LPP: variants seen among roughly 807,000 people sequenced by gnomAD.
LPP encodes the protein LIM domain containing preferred translocation partner in lipoma.
Under a neutral mutation model 60.4 loss-of-function variants are expected in LPP, and 38 were observed. That is an observed-to-expected ratio of 0.63 (90% confidence interval 0.49 to 0.83). LPP has a LOEUF of 0.83. Among genes scored for constraint, LPP ranks in the 40% least tolerant of loss-of-function variants. LPP has a pLI of 0.00. For synonymous variants in LPP, 328 were observed against 290.8 expected (o/e 1.13, Z -1.30); for missense variants, 902 against 783.6 (o/e 1.15, Z -1.80).
At chr3:188,649,344 G>A (rs1369035576) in intron 7 of LPP, among the ~76,000 whole-genome samples, 1 of 152,180 alleles carries the variant, frequency 6.6e-6, no homozygotes, top group Non-Finnish European at 1.5e-5. Flanking sequence ...GGACAAAGGG[G>A]TTAGGATGAT....
chr3:188,205,111 G>C (rs928778258), intron 1 of LPP, among the ~76,000 whole-genome samples: 1 of 151,898 alleles, frequency 6.6e-6, no homozygotes, highest in Non-Finnish European at 1.5e-5. Context: ...TTGTAATATT[G>C]TACAATTCTG....
chr3:188,339,492 T>A (rs1762491619), intron 2 of LPP, among the ~76,000 whole-genome samples: 1 of 152,186 alleles, frequency 6.6e-6, no homozygotes, highest in African/African-American at 2.4e-5. Flanking sequence ...GACTCACAGT[T>A]CCACATTGCT....
intron 2 of LPP, among the ~76,000 whole-genome samples, chr3:188,333,102 CA>C (rs1003233066): frequency 3.9e-5 from 6 of 152,274 alleles, no homozygotes; most frequent in Admixed American, 3.9e-4. Context: ...AAAATAATCT[CA>C]TGATAGTAGA....
rs2152096995 is a variant in LPP, at chr3:188,885,993, C to T, written c.*11514C>T. 6.6e-6 allele frequency: 1 copy of T among 152,184 alleles called. No homozygotes were observed. The highest frequency in any genetic ancestry group is 1.5e-5 in the Non-Finnish European group (1 of 68,016). 9.4% of individuals were successfully genotyped at this position (152,184 alleles called of 1,614,324 possible). A position where few individuals can be genotyped will look rare whatever the true frequency, so the allele number is the denominator to read the frequency against. On this transcript the variant is annotated 3_prime_UTR_variant, in exon 12 of 12. Transcript: ENST00000617246. Reference sequence around the variant, plus strand: ...GCCATAAAAAATGATGAGTTCATGTCCTTTGTAGGGACATGGATGAAATTG... The same window carrying T: ...GCCATAAAAAATGATGAGTTCATGTTCTTTGTAGGGACATGGATGAAATTG...
chr3:188,449,319 T>A (rs913222788), intron 4 of LPP, among the ~76,000 whole-genome samples: 2 of 152,024 alleles, frequency 1.3e-5, no homozygotes, highest in African/African-American at 2.4e-5. Context: ...TTCCTCATCC[T>A]TTCTCCTTCT....
At chr3:188,221,986 C>T (rs545045843) in intron 1 of LPP, among the ~76,000 whole-genome samples, 1 of 152,206 alleles carries the variant, frequency 6.6e-6, no homozygotes, top group South Asian at 2.1e-4. Context: ...ACTTACTAGC[C>T]TAGAGATATT....
intron 7 of LPP, among the ~76,000 whole-genome samples, chr3:188,672,434 T>G (rs1857132471): frequency 6.6e-6 from 1 of 152,208 alleles, no homozygotes; most frequent in Non-Finnish European, 1.5e-5. Flanking sequence ...CAACTTTTTC[T>G]TATTAATTTG....
intron 9 of LPP, among the ~76,000 whole-genome samples, chr3:188,783,825 T>A (rs1740632572): frequency 6.6e-6 from 1 of 152,196 alleles, no homozygotes; most frequent in Non-Finnish European, 1.5e-5. Flanking sequence ...GACTTCCATG[T>A]TGCCAAAACC....
In LPP at chr3:188,813,748, G is replaced by A. The variant is rs765093098; in HGVS notation, c.1411-52452G>A. 8.9e-4 allele frequency among the ~76,000 whole-genome samples: 135 copies of A among 152,210 alleles called. 2 individuals carry two copies. Among genetic ancestry groups the A allele is most frequent in the Non-Finnish European group, 9.0e-4 (61 of 68,006 alleles). Reference sequence around the variant, plus strand: ...GCAAATCTAGCATACTTAAAAGGAAGTTTTTATTCTGGAGAAGTTTTGTTA... The same window carrying A: ...GCAAATCTAGCATACTTAAAAGGAAATTTTTATTCTGGAGAAGTTTTGTTA... On this transcript the variant is annotated intron_variant, in intron 9 of 11. Coordinates refer to ENST00000617246, the MANE Select transcript of LPP (RefSeq NM_001375462.1).
intron 6 of LPP, among the ~76,000 whole-genome samples, chr3:188,606,074 C>T (rs369975249): frequency 6.6e-6 from 1 of 152,192 alleles, no homozygotes; most frequent in African/African-American, 2.4e-5. Flanking sequence ...ATATGTTTCT[C>T]TGGCTTGCTG....
intron 4 of LPP, among the ~76,000 whole-genome samples, chr3:188,443,379 C>T (rs1578932499): frequency 6.6e-6 from 1 of 152,208 alleles, no homozygotes; most frequent in East Asian, 1.9e-4. Context: ...TTGAGGCCTG[C>T]CTTCATCACG....
chr3:188,376,449 C>T (rs1775117918), intron 3 of LPP, among the ~76,000 whole-genome samples: 1 of 152,134 alleles, frequency 6.6e-6, no homozygotes, highest in East Asian at 1.9e-4. Flanking sequence ...GATCCCTTTA[C>T]AATTATGTAA....
chr3:188,660,095 T>C (rs1418279446), intron 7 of LPP, among the ~76,000 whole-genome samples: 1 of 152,170 alleles, frequency 6.6e-6, no homozygotes, highest in Non-Finnish European at 1.5e-5. Context: ...CATTTGCTTT[T>C]TAGTTTTACA....
intron 3 of LPP, among the ~76,000 whole-genome samples, chr3:188,398,989 G>A (rs986636669): frequency 3.9e-5 from 6 of 152,220 alleles, no homozygotes; most frequent in African/African-American, 1.4e-4. Flanking sequence ...ACAATGAGGA[G>A]AATCACGGGT....
At chr3:188,410,865 C>G (rs992476713) in intron 4 of LPP, among the ~76,000 whole-genome samples, 1 of 152,090 alleles carries the variant, frequency 6.6e-6, no homozygotes, top group Admixed American at 6.5e-5. Flanking sequence ...ACACTGTAGT[C>G]TTTTATCCCT....
intron 8 of LPP, among the ~76,000 whole-genome samples, chr3:188,736,788 T>C (rs1390157124): frequency 6.6e-6 from 1 of 151,914 alleles, no homozygotes; most frequent in East Asian, 1.9e-4. Context: ...ATATCTATAT[T>C]ATCCTAAAGA....
At chr3:188,541,030 C>T (rs1310381297) in intron 6 of LPP, among the ~76,000 whole-genome samples, 1 of 152,168 alleles carries the variant, frequency 6.6e-6, no homozygotes, top group African/African-American at 2.4e-5. Context: ...CTGTGGTTAA[C>T]AAGATAATTC....
rs369456085 is a variant in LPP, at chr3:188,354,581, G to A, written c.-10+12862G>A. Among the ~76,000 whole-genome samples the A allele has an allele frequency of 3.2e-4, 49 of 152,200 alleles. No individual in the cohort carries two copies. The South Asian group carries it at 9.9e-3, about 31-fold the overall frequency. On this transcript the variant is annotated intron_variant, in intron 3 of 11. Coordinates refer to ENST00000617246, the MANE Select transcript of LPP (RefSeq NM_001375462.1). Reference sequence around the variant, plus strand: ...GAATGGATGTTTTTTTTCTTTTACAGTTTTAGGCAAAGTGAAACTTTAGAA... The same window carrying A: ...GAATGGATGTTTTTTTTCTTTTACAATTTTAGGCAAAGTGAAACTTTAGAA...
intron 2 of LPP, among the ~76,000 whole-genome samples, chr3:188,260,147 C>T (rs1733072955): frequency 6.6e-6 from 1 of 152,084 alleles, no homozygotes; most frequent in Admixed American, 6.5e-5. Flanking sequence ...TCAAGCGATT[C>T]TCCTGCCTTA....
Sources: gnomAD v4.1 joint callset for allele counts (sites outside exome capture counted in the v4.1 genomes callset) on GRCh38, gnomAD v4.1.1 for gene constraint, MANE v1.5 for transcripts, NCBI Gene and HGNC (gene_info 2026-07-23, HGNC 2026-07-21) for gene names.